Variants in CDC20B observed in about 807,000 individuals in gnomAD.
The protein encoded by CDC20B is cell division cycle 20B.
In CDC20B, 58 loss-of-function variants were observed where a neutral mutation model predicts 64.1. That is an observed-to-expected ratio of 0.90 (90% CI 0.73 to 1.13). The LOEUF (loss-of-function observed/expected upper bound fraction) is 1.13, where lower values mean the gene tolerates loss of function less well. CDC20B is among the 50% of genes most tolerant of loss of function. The pLI is 0.00. For synonymous variants in CDC20B, 243 were observed against 230.6 expected (o/e 1.05, Z -0.49); for missense variants, 597 against 633.0 (o/e 0.94, Z 0.61).
At chr5:55,165,184 G>C (rs1444759375) in intron 2 of CDC20B, 1 of 152,148 alleles carries the variant, frequency 6.6e-6, no homozygotes, top group Non-Finnish European at 1.5e-5. Flanking sequence ...CTAAATTCTA[G>C]TATAAAAAGG....
chr5:55,171,308 G>A (rs1297905371), intron 2 of CDC20B, among the ~76,000 whole-genome samples: 1 of 152,098 alleles, frequency 6.6e-6, no homozygotes, highest in Non-Finnish European at 1.5e-5. Flanking sequence ...GTGAGACTCT[G>A]TCTCAAAAAA....
At chr5:55,142,885 T>C (rs955240853) in intron 4 of CDC20B, among the ~76,000 whole-genome samples, 13 of 152,220 alleles carry the variant, frequency 8.5e-5, no homozygotes, top group African/African-American at 2.7e-4. Flanking sequence ...AGTTCAAAGC[T>C]TTCGAACTGA....
intron 9 of CDC20B, among the ~76,000 whole-genome samples, chr5:55,123,759 G>A (rs148377415): frequency 2.5e-4 from 38 of 152,294 alleles, no homozygotes; most frequent in Admixed American, 1.2e-3. Context: ...GTTTTTGTAT[G>A]TTGTTTTCAG....
At position 55,125,726 on chromosome 5, in the gene CDC20B, T is replaced by C. The variant is rs377753011; in HGVS notation, c.990-698A>G. On this transcript the variant is annotated intron_variant, in intron 8 of 11. Coordinates refer to ENST00000381375, the MANE Select transcript of CDC20B (RefSeq NM_001170402.1). The stretch of plus-strand genomic sequence containing the variant: ...TTCTCTAAGGAGTAAGTAAATGATG[T>C]TCCACAATTATTTCAGACATTTCTC... Among the ~76,000 whole-genome samples the C allele has an allele frequency of 7.2e-5, 11 of 152,360 alleles. No homozygotes were observed. In the East Asian group the frequency reaches 2.1e-3, roughly 29 times the overall value.
In CDC20B at chr5:55,128,439, G is replaced by A. The variant is rs767219704; in HGVS notation, c.876C>T (p.Thr292=). 1 of 1,602,512 alleles carries A rather than the reference G, an allele frequency of 6.2e-7. No homozygotes were observed. The highest frequency in any genetic ancestry group is 8.5e-7 in the Non-Finnish European group (1 of 1,176,950). Residue 292 remains threonine (T), a synonymous_variant, in exon 7 of 12, where the codon ACC becomes ACT. Transcript: ENST00000381375. ...CCAGTACTTGCACTTCTCCCTCGCT[G>A]GTGCCAACTGCCAGGCAAGTTCCCT... ...IKEGTCLAVG[T]SEGEVQLWDV...
chr5:55,149,854 C>T (rs1743611341), intron 2 of CDC20B, among the ~76,000 whole-genome samples: 1 of 152,100 alleles, frequency 6.6e-6, no homozygotes, highest in South Asian at 2.1e-4. Flanking sequence ...TTATTTTTGG[C>T]CAGGTGCAGT....
chr5:55,161,757 G>A (rs773242607), intron 2 of CDC20B, among the ~76,000 whole-genome samples: 4 of 152,138 alleles, frequency 2.6e-5, no homozygotes, highest in African/African-American at 7.2e-5. Context: ...CATATAACTT[G>A]GTTTTTTCAG....
rs1249571365 is a variant in CDC20B at position 55,146,638 on chromosome 5, G to C, written c.345C>G (p.Thr115=). The C allele has an allele frequency of 1.2e-6, 2 of 1,613,712 alleles. No individual in the cohort carries two copies. Among genetic ancestry groups the C allele is most frequent in the Admixed American group, 1.7e-5 (1 of 60,010 alleles). Residue 115 remains threonine, a synonymous_variant, in exon 3 of 12, where the codon ACC becomes ACG. Transcript: ENST00000381375. The part of the protein sequence containing the change: ...SVLKTPPEKE[T]LTLGSRKEQL... ...TTTGGGGCACCTCACCTAGAGTCAA[G>C]GTCTCTTTCTCAGGCGGTGTCTTCA...
rs755610525 is a variant in CDC20B, at chr5:55,120,502, C to A, written c.1264G>T (p.Gly422Ter). The A allele has an allele frequency of 1.9e-6, 3 of 1,613,752 alleles. No individual in the cohort carries two copies. The highest frequency in any genetic ancestry group is 2.5e-6 in the Non-Finnish European group (3 of 1,179,790). ...ATGTGTAAGCGTCCATCCTTCATTC[C>A]TCCTCCAATGGCAAGGACCCCAGAC... ...WQSGVLAIGG[G>*]MKDGRLHILD... is the part of the protein sequence containing the mutation. Residue 422 changes from glycine to a stop codon, truncating the protein, a stop_gained, in exon 10 of 12, where the codon GGA (glycine) becomes TGA (stop). Coordinates refer to ENST00000381375, the MANE Select transcript of CDC20B (RefSeq NM_001170402.1). LOFTEE classifies it high-confidence loss of function.
intron 2 of CDC20B, among the ~76,000 whole-genome samples, chr5:55,151,924 C>A (rs1200925327): frequency 6.6e-6 from 1 of 152,198 alleles, no homozygotes; most frequent in Non-Finnish European, 1.5e-5. Context: ...AGGGGCTATG[C>A]AGATGTAAGT....
chr5:55,128,207 T>C (rs1742940380), intron 7 of CDC20B, among the ~76,000 whole-genome samples: 1 of 150,626 alleles, frequency 6.6e-6, no homozygotes, highest in Non-Finnish European at 1.5e-5. Context: ...GACAGAAAGA[T>C]TGTGGTGGAA....
At position 55,172,571 on chromosome 5, in the gene CDC20B, A is replaced by T. The variant is rs768247877; in HGVS notation, c.126+17T>A. On this transcript the variant is annotated intron_variant, in intron 2 of 11. Transcript: ENST00000381375. ...ATCAGAATTAAAACAGAGAACAAGA[A>T]CAAGCCCTGGACTCACGTTGGCGGA... 1 of 1,598,996 alleles carries T rather than the reference A, an allele frequency of 6.3e-7. No individual in the cohort carries two copies. Among genetic ancestry groups the T allele is most frequent in the Non-Finnish European group, 8.6e-7 (1 of 1,166,356 alleles).
chr5:55,163,980 G>A (rs1744233880), intron 2 of CDC20B: 1 of 1,095,860 alleles, frequency 9.1e-7, no homozygotes, highest in Non-Finnish European at 1.3e-6. Flanking sequence ...TATCATTTAT[G>A]CAGATACTAA....
chr5:55,129,236 A>G (rs1220959590), intron 6 of CDC20B, among the ~76,000 whole-genome samples: 1 of 152,222 alleles, frequency 6.6e-6, no homozygotes, highest in East Asian at 1.9e-4. Flanking sequence ...GTTCCCCTAC[A>G]GTAGTTTAAA....
chr5:55,114,265 A>G lies in CDC20B; in HGVS notation c.1513T>C (p.Phe505Leu), dbSNP rs1211222224. The G allele has an allele frequency of 1.2e-6, 2 of 1,613,894 alleles. No individual in the cohort carries two copies. ...LSLSPDQTRV[F>L]SAAADGTASV... ...GCCGTCCCATCAGCTGCAGCAGAAA[A>G]CACCCGGGTCTGGTCTGGACTCAAA... Residue 505 changes from phenylalanine (F) to leucine (L), a missense_variant, in exon 12 of 12, where the codon TTT becomes CTT. By Grantham distance (22) the Phe-to-Leu change is conservative (BLOSUM62 0). Coordinates refer to ENST00000381375, the MANE Select transcript of CDC20B (RefSeq NM_001170402.1). The surrounding 1 kb of genome is among the most constrained non-coding windows in gnomAD (Gnocchi z 4.1).
At chr5:55,117,202 TA>T in intron 11 of CDC20B, among the ~76,000 whole-genome samples, 1 of 152,294 alleles carries the variant, frequency 6.6e-6, no homozygotes, top group Middle Eastern at 3.4e-3. Flanking sequence ...GGAATAATCA[TA>T]AGTTACCTTT....
Position 55,114,171 on chromosome 5 carries a change from C to T in CDC20B, c.*47G>A. On this transcript the variant is annotated 3_prime_UTR_variant, in exon 12 of 12. Transcript: ENST00000381375. This position sits in a 1 kb window ranked among gnomAD's most constrained non-coding sequence, Gnocchi z 4.1. The stretch of plus-strand genomic sequence containing the variant: ...ATGGAGAAGACATAGCCAACATCAT[C>T]ATCTTCACTCAGAAATAAGGAAACT... 1 of 1,584,740 alleles carries T rather than the reference C, an allele frequency of 6.3e-7. No homozygotes were observed.
At chr5:55,172,878 ACGGGGCCTTCGGCCC>A in intron 1 of CDC20B, 45 bp downstream of exon 1, 1 of 1,454,280 alleles carries the variant, frequency 6.9e-7, no homozygotes, top group Non-Finnish European at 9.3e-7. Context: ...GATATTATGA[ACGGGGCCTTCGGCCC>A]CGCATTAGAG....
chr5:55,165,760 T>A (rs1744348189), intron 2 of CDC20B: 2 of 152,234 alleles, frequency 1.3e-5, no homozygotes, highest in Admixed American at 1.3e-4. Flanking sequence ...CTCCTACCTC[T>A]CGCCAGCTGC....
Sources: gnomAD v4.1 joint callset for allele counts (sites outside exome capture counted in the v4.1 genomes callset) on GRCh38, gnomAD v4.1.1 for gene constraint, Gnocchi (gnomAD v3.1) non-coding constraint, MANE v1.5 for transcripts, NCBI Gene and HGNC (gene_info 2026-07-23, HGNC 2026-07-21) for gene names.